Variants in UBR4 observed in about 807,000 individuals in gnomAD.
UBR4 encodes the protein E3 ubiquitin-protein ligase UBR4.
A neutral mutation model predicts 575.6 loss-of-function variants in UBR4; 124 were observed. The observed-to-expected ratio is 0.22, with a 90% CI of 0.19 to 0.25. The LOEUF (loss-of-function observed/expected upper bound fraction) is 0.25, where lower values mean the gene tolerates loss of function less well. UBR4 is among the 10% of genes least tolerant of loss of function. UBR4 has a pLI of 1.00. For synonymous variants in UBR4, 2,455 were observed against 2,473.7 expected (o/e 0.99, Z 0.22); for missense variants, 4,818 against 6,478.8 (o/e 0.74, Z 8.80).
intron 38 of UBR4, 150 bp from the exon 39 acceptor site, chr1:19,160,431 A>C: frequency 1.2e-6 from 1 of 803,544 alleles, no homozygotes; most frequent in Non-Finnish European, 1.9e-6. Context: ...TCATTCTCAT[A>C]ATCCTGGCAT....
chr1:19,124,313 C>A (rs1409701705), intron 65 of UBR4, among the ~76,000 whole-genome samples: 1 of 152,118 alleles, frequency 6.6e-6, no homozygotes, highest in African/African-American at 2.4e-5. Flanking sequence ...GCACGTGAGG[C>A]GAAGTTCAAC....
Position 19,104,078 on chromosome 1 carries a change from T to C in UBR4, c.12901+6A>G. The C allele has an allele frequency of 1.9e-6, 3 of 1,614,030 alleles. No individual in the cohort carries two copies. The highest frequency in any genetic ancestry group is 2.5e-6 in the Non-Finnish European group (3 of 1,179,960). On this transcript the variant is annotated splice_donor_region_variant and intron_variant, in intron 87 of 105. Coordinates refer to ENST00000375254, the MANE Select transcript of UBR4 (RefSeq NM_020765.3). The stretch of plus-strand genomic sequence containing the variant: ...CCTTAGGCTCCAGGCCACTGGGCAG[T>C]GCTACCTGTGGTCATGTCCTCCAGC...
chr1:19,151,360 C>CAGAAGGAGG (rs1467336508), intron 48 of UBR4: 1 of 512,924 alleles, frequency 1.9e-6, no homozygotes, highest in African/African-American at 1.9e-5. Flanking sequence ...CTCCTCTCGG[C>CAGAAGGAGG]CTAAACACAG....
intron 17 of UBR4, among the ~76,000 whole-genome samples, chr1:19,181,463 C>T (rs2090951568): frequency 6.6e-6 from 1 of 152,182 alleles, no homozygotes. Context: ...CTTCTAGTTT[C>T]ATTTGAGTTT....
In UBR4 at chr1:19,077,666, G is replaced by A. The variant is rs1471590345; in HGVS notation, c.15324+310C>T. ...GAGAATCACTTGAACCCGGGATGCA[G>A]AGGTTGCAGTGAGCCGAGATCACGC... On this transcript the variant is annotated intron_variant, in intron 104 of 105. Coordinates refer to ENST00000375254, the MANE Select transcript of UBR4 (RefSeq NM_020765.3). 3.9e-5 allele frequency: 36 copies of A among 930,634 alleles called. No homozygotes were observed. The South Asian group carries it at 4.8e-4, about 12-fold the overall frequency. The allele number at this position is 930,634 out of a possible 1,614,324, so 57.6% of individuals were successfully genotyped here.
At chr1:19,082,482 ACT>A (rs2076616000) in intron 102 of UBR4, among the ~76,000 whole-genome samples, 2 of 152,338 alleles carry the variant, frequency 1.3e-5, no homozygotes, top group South Asian at 4.1e-4. Flanking sequence ...CGGAATCAGC[ACT>A]GAGAGGTGAC....
chr1:19,091,572 G>A (rs12563949), intron 97 of UBR4, among the ~76,000 whole-genome samples: 29,919 of 152,116 alleles, frequency 0.2, 3,386 homozygotes, highest in East Asian at 0.32. Context: ...ATGAAAAGAC[G>A]TTCAACATCA....
intron 84 of UBR4, 128 bp downstream of exon 84, chr1:19,105,605 T>A (rs1320683232): frequency 1.0e-5 from 7 of 697,376 alleles, no homozygotes; most frequent in Non-Finnish European, 1.6e-5. Flanking sequence ...TTTTAACACT[T>A]TGTTGTTTCT....
intron 1 of UBR4, among the ~76,000 whole-genome samples, chr1:19,207,911 A>C (rs761565085): frequency 6.6e-6 from 1 of 152,250 alleles, no homozygotes; most frequent in Non-Finnish European, 1.5e-5. Flanking sequence ...CTTTCACACA[A>C]TGATGGCAGA....
intron 74 of UBR4, 143 bp downstream of exon 74, chr1:19,115,255 T>C (rs1223780063): frequency 4.4e-5 from 56 of 1,269,720 alleles, no homozygotes; most frequent in Non-Finnish European, 4.6e-5. Flanking sequence ...CCTCCCTTTC[T>C]ACCCTTGAAC....
At chr1:19,175,622 G>A (rs985503064) in intron 20 of UBR4, among the ~76,000 whole-genome samples, 2 of 152,140 alleles carry the variant, frequency 1.3e-5, no homozygotes, top group African/African-American at 2.4e-5. Context: ...GTTCACATTC[G>A]TTTCAGACCA....
At chr1:19,147,199 AT>A (rs1173604442) in intron 51 of UBR4, among the ~76,000 whole-genome samples, 199 bp from the exon 52 acceptor site, 1 of 152,262 alleles carries the variant, frequency 6.6e-6, no homozygotes, top group Non-Finnish European at 1.5e-5. Context: ...TATTAATGTC[AT>A]TAAAAAATAA....
At chr1:19,094,262 T>G (rs1254458693) in intron 94 of UBR4, 123 bp from the exon 95 acceptor site, 1 of 657,824 alleles carries the variant, frequency 1.5e-6, no homozygotes, top group Non-Finnish European at 2.5e-6. Context: ...AGAAGAACTA[T>G]GTCTCGGCAC....
intron 17 of UBR4, among the ~76,000 whole-genome samples, chr1:19,180,453 G>A (rs1020722958): frequency 3.3e-5 from 5 of 150,768 alleles, no homozygotes; most frequent in African/African-American, 1.2e-4. Flanking sequence ...AAGTGCCACG[G>A]CGCCCAGCCT....
At chr1:19,107,508 C>T (rs997101559) in intron 81 of UBR4, among the ~76,000 whole-genome samples, 31 of 152,166 alleles carry the variant, frequency 2.0e-4, no homozygotes, top group Non-Finnish European at 4.3e-4. Context: ...TGGCCGGGCG[C>T]GGTGACTCAC....
In UBR4 at chr1:19,081,591, T is replaced by C. The variant is rs911223216; in HGVS notation, c.15009-18A>G. On this transcript the variant is annotated intron_variant, in intron 102 of 105. Transcript: ENST00000375254. ...CTCGGGTTCTAGAAGAAAAGCGGCA[T>C]GATAAAATAAAAGCAGGGTGGAAGC... The C allele has an allele frequency of 1.7e-5, 28 of 1,613,628 alleles. No homozygotes were observed. Among genetic ancestry groups the C allele is most frequent in the East Asian group, 6.7e-5 (3 of 44,878 alleles).
In UBR4 at chr1:19,187,433, C is replaced by A; in HGVS notation, c.1494+8G>T. ...ATATGCTGATTACCATGGGGATAAC[C>A]TCCTCACCTTGTGAAGGGCCTCCAC... On this transcript the variant is annotated splice_region_variant and intron_variant, in intron 12 of 105. Transcript: ENST00000375254. 3 of 1,614,076 alleles carry A rather than the reference C, an allele frequency of 1.9e-6. No individual in the cohort carries two copies. Among genetic ancestry groups the A allele is most frequent in the Non-Finnish European group, 2.5e-6 (3 of 1,179,976 alleles).
rs1571192140 is a variant in UBR4 at position 19,153,236 on chromosome 1, C to T, written c.6832+65G>A. On this transcript the variant is annotated intron_variant, in intron 46 of 105. Transcript: ENST00000375254. This position sits in a 1 kb window ranked among gnomAD's most constrained non-coding sequence, Gnocchi z 4.1. ...TCACAGATATTTTCAACAGTCTATTCTGAGTCACTGTCTAGAAGACCACCA... is the reference window on the plus strand; with the variant it reads ...TCACAGATATTTTCAACAGTCTATTTTGAGTCACTGTCTAGAAGACCACCA... 3.3e-6 allele frequency: 5 copies of T among 1,526,040 alleles called. No homozygotes were observed. The East Asian group carries it at 1.1e-4, about 34-fold the overall frequency. The allele number at this position is 1,526,040 out of a possible 1,614,324, so 94.5% of individuals were successfully genotyped here.
In UBR4 at chr1:19,139,265, C is replaced by CA; in HGVS notation, c.8594-46dup. ...TGTTACAGGTTAAAAAACAAACAAA[C>CA]AAACAAACAAACAAAAAACAAAAAA... is the stretch of plus-strand genomic sequence containing the variant. On this transcript the variant is annotated intron_variant, in intron 58 of 105. Transcript: ENST00000375254. The surrounding 1 kb of genome is among the most constrained non-coding windows in gnomAD (Gnocchi z 4.2). 1 of 1,532,226 alleles carries CA rather than the reference C, an allele frequency of 6.5e-7. No homozygotes were observed. The highest frequency in any genetic ancestry group is 8.8e-7 in the Non-Finnish European group (1 of 1,136,140). The allele number at this position is 1,532,226 out of a possible 1,614,324, so 94.9% of individuals were successfully genotyped here.
Sources: gnomAD v4.1 joint callset for allele counts (sites outside exome capture counted in the v4.1 genomes callset) on GRCh38, gnomAD v4.1.1 for gene constraint, Gnocchi (gnomAD v3.1) non-coding constraint, MANE v1.5 for transcripts, NCBI Gene and HGNC (gene_info 2026-07-23, HGNC 2026-07-21) for gene names.